Variants in CHRM3 observed in about 807,000 individuals in gnomAD.
CHRM3 encodes the protein cholinergic receptor muscarinic 3.
Under a neutral mutation model 41.8 loss-of-function variants are expected in CHRM3, and 11 were observed. That is an observed-to-expected ratio of 0.26 (90% confidence interval 0.17 to 0.44). The LOEUF is 0.44. Among genes scored for constraint, CHRM3 ranks in the 20% least tolerant of loss-of-function variants. CHRM3 has a pLI of 1.00. For synonymous variants in CHRM3, 297 were observed against 301.4 expected, an observed-to-expected ratio of 0.99 and a Z score of 0.15; for missense variants, 571 against 745.4, an observed-to-expected ratio of 0.77 and a Z score of 2.72.
intron 5 of CHRM3, among the ~76,000 whole-genome samples, chr1:239,684,559 T>C (rs1307430987): frequency 6.6e-6 from 1 of 151,050 alleles, no homozygotes; most frequent in Non-Finnish European, 1.5e-5. Flanking sequence ...TAGCCGGGCA[T>C]GTTGGCGCTA....
intron 1 of CHRM3, among the ~76,000 whole-genome samples, chr1:239,406,723 C>A (rs567521906): frequency 2.0e-5 from 3 of 152,314 alleles, no homozygotes; most frequent in East Asian, 3.9e-4. Flanking sequence ...TACATTTCTG[C>A]AAAGCCTCTC....
intron 2 of CHRM3, among the ~76,000 whole-genome samples, chr1:239,516,482 TC>T (rs564354419): frequency 1.3e-4 from 20 of 152,204 alleles, no homozygotes; most frequent in Non-Finnish European, 2.4e-4. Flanking sequence ...TTTTTTGAGT[TC>T]CTATTCACAT....
At chr1:239,618,657 A>C (rs966869847) in intron 3 of CHRM3, among the ~76,000 whole-genome samples, 50 of 151,360 alleles carry the variant, frequency 3.3e-4, no homozygotes, top group Non-Finnish European at 4.6e-4. Context: ...ATCCTGGCTA[A>C]CACGGTGAAA....
At chr1:239,398,904 G>A (rs1659722098) in intron 1 of CHRM3, among the ~76,000 whole-genome samples, 1 of 151,974 alleles carries the variant, frequency 6.6e-6, no homozygotes, top group South Asian at 2.1e-4. Flanking sequence ...ACTTGGAAAT[G>A]TATAGTCTAA....
intron 1 of CHRM3, among the ~76,000 whole-genome samples, chr1:239,469,775 C>T (rs7522967): frequency 0.28 from 42,247 of 151,828 alleles, 6,458 homozygotes; most frequent in African/African-American, 0.4. Context: ...CAGGGTGGTC[C>T]CAAGTTCCTG....
At chr1:239,838,902 G>A (rs1673552002) in intron 6 of CHRM3, among the ~76,000 whole-genome samples, 1 of 152,100 alleles carries the variant, frequency 6.6e-6, no homozygotes, top group African/African-American at 2.4e-5. Context: ...TATATACTCA[G>A]GGAAGAATCA....
At chr1:239,429,732 T>C (rs1231272717) in intron 1 of CHRM3, among the ~76,000 whole-genome samples, 1 of 152,056 alleles carries the variant, frequency 6.6e-6, no homozygotes, top group Non-Finnish European at 1.5e-5. Flanking sequence ...TCTTTACATT[T>C]AATTATTTTC....
chr1:239,564,036 G>A (rs940881467), intron 3 of CHRM3, among the ~76,000 whole-genome samples: 3 of 152,096 alleles, frequency 2.0e-5, no homozygotes, highest in Non-Finnish European at 2.9e-5. Flanking sequence ...TGATGTTTCC[G>A]AGATTCTTTA....
chr1:239,663,394 T>C (rs1019100366), intron 4 of CHRM3, among the ~76,000 whole-genome samples: 4 of 152,184 alleles, frequency 2.6e-5, no homozygotes, highest in Non-Finnish European at 5.9e-5. Flanking sequence ...TGTCTTTCGA[T>C]TGTGCCACAT....
Position 239,572,634 on chromosome 1 carries a change from T to G in CHRM3, c.-313+26885T>G, listed in dbSNP as rs370898397. ...GATGATTTCTGTTCTCATTAGGTAT[T>G]TGCCATATTGTAACCTTGTTCCCAA... On this transcript the variant is annotated intron_variant, in intron 3 of 6. Coordinates refer to ENST00000676153, the MANE Select transcript of CHRM3 (RefSeq NM_001375978.1). Among the ~76,000 whole-genome samples, 16 of 152,346 alleles carry G rather than the reference T, an allele frequency of 1.1e-4. No homozygotes were observed. The South Asian group carries it at 2.7e-3, about 26-fold the overall frequency.
intron 5 of CHRM3, among the ~76,000 whole-genome samples, chr1:239,733,626 G>A (rs1039687096): frequency 6.6e-6 from 1 of 152,076 alleles, no homozygotes; most frequent in Non-Finnish European, 1.5e-5. Flanking sequence ...AGCATCTTCT[G>A]TAAGAAAGTT....
At chr1:239,623,369 T>A (rs1238201970) in intron 3 of CHRM3, among the ~76,000 whole-genome samples, 1 of 151,448 alleles carries the variant, frequency 6.6e-6, no homozygotes, top group Non-Finnish European at 1.5e-5. Flanking sequence ...AGTGTTTGGT[T>A]TTTTGTCCTT....
chr1:239,684,341 G>T (rs1460827866), intron 5 of CHRM3, among the ~76,000 whole-genome samples: 1 of 151,978 alleles, frequency 6.6e-6, no homozygotes, highest in Non-Finnish European at 1.5e-5. Flanking sequence ...AATGTCTCAG[G>T]GATTGCCTTA....
At chr1:239,590,666 T>G (rs1364265355) in intron 3 of CHRM3, among the ~76,000 whole-genome samples, 1 of 152,204 alleles carries the variant, frequency 6.6e-6, no homozygotes, top group Admixed American at 6.5e-5. Flanking sequence ...TGAGGCATTT[T>G]AAACTTGAAG....
At chr1:239,679,709 G>T (rs1169686834) in intron 5 of CHRM3, among the ~76,000 whole-genome samples, 1 of 152,026 alleles carries the variant, frequency 6.6e-6, no homozygotes, top group Non-Finnish European at 1.5e-5. Flanking sequence ...ATCCACCTTA[G>T]TTCGTTTATT....
Position 239,909,344 on chromosome 1 carries a change from T to A in CHRM3, c.*120T>A. On this transcript the variant is annotated 3_prime_UTR_variant, in exon 7 of 7. Transcript: ENST00000676153. ...TAAAAATGGTTTTATCACCCAGATG[T>A]GAAAGAAGCTGCCTGTTTACTGATC... The A allele has an allele frequency of 1.0e-6, 1 of 965,274 alleles. No individual in the cohort carries two copies. 59.8% of individuals were successfully genotyped at this position (965,274 alleles called of 1,614,324 possible). A position where few individuals can be genotyped will look rare whatever the true frequency, so the allele number is the denominator to read the frequency against.
intron 5 of CHRM3, among the ~76,000 whole-genome samples, chr1:239,699,423 G>A (rs1424064176): frequency 6.6e-6 from 1 of 152,034 alleles, no homozygotes; most frequent in African/African-American, 2.4e-5. Flanking sequence ...CTTCACACTT[G>A]CACAAAGAAG....
chr1:239,550,625 A>G (rs1388113156), intron 3 of CHRM3, among the ~76,000 whole-genome samples: 1 of 152,236 alleles, frequency 6.6e-6, no homozygotes, highest in East Asian at 1.9e-4. Flanking sequence ...ATGACCAGAA[A>G]AAAATGAAAA....
intron 2 of CHRM3, among the ~76,000 whole-genome samples, chr1:239,517,493 C>T (rs564714498): frequency 1.3e-5 from 2 of 152,298 alleles, no homozygotes; most frequent in South Asian, 4.1e-4. Flanking sequence ...ACCATAAACA[C>T]ATTAGCAACA....
Sources: allele counts gnomAD v4.1 joint callset (sites outside exome capture counted in the v4.1 genomes callset), GRCh38; gene constraint gnomAD v4.1.1; transcripts MANE v1.5; gene names NCBI Gene and HGNC (gene_info 2026-07-23, HGNC 2026-07-21).